Variants in NOL10 observed in about 807,000 individuals in gnomAD.
NOL10 encodes nucleolar protein 10, also known as H_NH0074G24.1.
In NOL10, 58 loss-of-function variants were observed where a neutral mutation model predicts 103.5. That is an observed-to-expected ratio of 0.56 (90% CI 0.45 to 0.70). The LOEUF is 0.70. Among genes scored for constraint, NOL10 ranks in the 30% least tolerant of loss-of-function variants. The probability of loss-of-function intolerance (pLI) is 0.00; values close to 1 mark genes in which losing one functional copy is unlikely to be tolerated. For synonymous variants in NOL10, 287 were observed against 282.5 expected, an observed-to-expected ratio of 1.02 and a Z score of -0.16; for missense variants, 763 against 807.3, an observed-to-expected ratio of 0.95 and a Z score of 0.67.
At position 10,659,293 on chromosome 2, in the gene NOL10, C is replaced by A. The variant is rs752717181; in HGVS notation, c.678-43G>T. ...CATGCTTCATGAATATACGGCCAAA[C>A]CTCCTTCCAAGTAACAAGTTCATTA... On this transcript the variant is annotated intron_variant, in intron 9 of 20. Coordinates refer to ENST00000381685, the MANE Select transcript of NOL10 (RefSeq NM_024894.4). The A allele has an allele frequency of 5.3e-6, 6 of 1,142,610 alleles. No individual in the cohort carries two copies. The South Asian group carries it at 6.5e-5, about 12-fold the overall frequency. 70.8% of individuals were successfully genotyped at this position (1,142,610 alleles called of 1,614,324 possible).
intron 8 of NOL10, among the ~76,000 whole-genome samples, chr2:10,664,011 A>AC (rs1275951072): frequency 6.6e-6 from 1 of 150,926 alleles, no homozygotes; most frequent in African/African-American, 2.4e-5. Flanking sequence ...AATCCCACAC[A>AC]CTAGGAGGCT....
At position 10,595,144 on chromosome 2, in the gene NOL10, C is replaced by CAGAGAGAGAGAGAGAG. The variant is rs77723934; in HGVS notation, c.1423-5409_1423-5394dup. Among the ~76,000 whole-genome samples, 153 of 124,228 alleles carry CAGAGAGAGAGAGAGAG rather than the reference C, an allele frequency of 1.2e-3. 1 individual carries two copies. Among genetic ancestry groups the CAGAGAGAGAGAGAGAG allele is most frequent in the African/African-American group, 2.2e-3 (72 of 32,148 alleles). 81.5% of individuals were successfully genotyped at this position (124,228 alleles called of 152,430 possible). A position where few individuals can be genotyped will look rare whatever the true frequency, so the allele number is the denominator to read the frequency against. On this transcript the variant is annotated intron_variant, in intron 17 of 20. Transcript: ENST00000381685. ...GCAAGAGGGAGGGAGGGGGAGGGGG[C>CAGAGAGAGAGAGAGAG]AGAGAGAGAGAGAGAGAGAGAGAGA... is the stretch of plus-strand genomic sequence containing the variant.
intron 3 of NOL10, among the ~76,000 whole-genome samples, chr2:10,676,939 CTTT>C (rs35181197): frequency 6.9e-6 from 1 of 144,578 alleles, no homozygotes; most frequent in Non-Finnish European, 1.5e-5. Context: ...AGGCCGGCCT[CTTT>C]TTTTTTTTTT....
chr2:10,657,975 T>C (rs1028580516), intron 10 of NOL10, 84 bp from the exon 11 acceptor site: 5 of 1,071,794 alleles, frequency 4.7e-6, no homozygotes, highest in Non-Finnish European at 6.6e-6. Context: ...ATGGCAGCCA[T>C]TTGCTTCATC....
chr2:10,670,468 C>G (rs1423390571), intron 6 of NOL10, among the ~76,000 whole-genome samples: 1 of 152,154 alleles, frequency 6.6e-6, no homozygotes, highest in Non-Finnish European at 1.5e-5. Flanking sequence ...GGCACCGTGG[C>G]TCATGTCTGT....
At chr2:10,597,798 G>A (rs1002050732) in intron 17 of NOL10, among the ~76,000 whole-genome samples, 1 of 152,180 alleles carries the variant, frequency 6.6e-6, no homozygotes, top group African/African-American at 2.4e-5. Context: ...GCTATGAAGA[G>A]CTGAAGAGAA....
At chr2:10,577,078 C>A (rs1376100522) in intron 20 of NOL10, among the ~76,000 whole-genome samples, 1 of 151,992 alleles carries the variant, frequency 6.6e-6, no homozygotes, top group Non-Finnish European at 1.5e-5. Context: ...GGTATTATTA[C>A]CACTGGCTAA....
rs2148369012 is a variant in NOL10 at position 10,684,583 on chromosome 2, T to C, written c.96A>G (p.Leu32=). The C allele has an allele frequency of 1.3e-6, 2 of 1,574,764 alleles. No homozygotes were observed. Among genetic ancestry groups the C allele is most frequent in the East Asian group, 2.3e-5 (1 of 43,626 alleles). ...AATACTCACCTACATCTTTCTTCTG[T>C]AGCGCTCTCTTCTTCCTATCAGAAA... ...EWLSDRKKRA[L]QKKDVDVRRR... The change falls in exon 2 of 21, where the codon CTA becomes CTG. Residue 32 remains leucine (L), a synonymous_variant. Transcript: ENST00000381685.
chr2:10,655,206 CAA>C (rs1431161450), intron 11 of NOL10, among the ~76,000 whole-genome samples: 1 of 85,524 alleles, frequency 1.2e-5, no homozygotes, highest in African/African-American at 4.4e-5. Flanking sequence ...AGATTCTGCC[CAA>C]AAAAAAAAAG....
At chr2:10,649,308 T>G (rs924374600) in intron 12 of NOL10, among the ~76,000 whole-genome samples, 3 of 136,162 alleles carry the variant, frequency 2.2e-5, no homozygotes, top group Non-Finnish European at 4.6e-5. Context: ...TCTGTATGTT[T>G]GAATTTTTTT....
chr2:10,628,280 A>G (rs943590473), intron 13 of NOL10, among the ~76,000 whole-genome samples: 10 of 152,314 alleles, frequency 6.6e-5, no homozygotes, highest in South Asian at 2.1e-4. Context: ...ACACACAGGT[A>G]CACTCTGCAC....
chr2:10,572,942 T>C (rs12992628), intron 20 of NOL10, among the ~76,000 whole-genome samples: 37,644 of 152,040 alleles, frequency 0.25, 6,491 homozygotes, highest in African/African-American at 0.45. Flanking sequence ...ATGGTTTAAC[T>C]ACTTTCAGCA....
In NOL10 at chr2:10,646,807, C is replaced by T. The variant is rs1679102121; in HGVS notation, c.974-2435G>A. ...ATAACATGGGACTCTGACACTTCAT[C>T]AACTAAGGTAAAATTAAAAGACCTC... On this transcript the variant is annotated intron_variant, in intron 12 of 20. Coordinates refer to ENST00000381685, the MANE Select transcript of NOL10 (RefSeq NM_024894.4). Among the ~76,000 whole-genome samples the T allele has an allele frequency of 2.0e-5, 3 of 152,162 alleles. No individual in the cohort carries two copies. In the South Asian group the frequency reaches 6.2e-4, roughly 32 times the overall value.
chr2:10,676,579 A>G (rs1306791357), intron 3 of NOL10, among the ~76,000 whole-genome samples: 1 of 152,124 alleles, frequency 6.6e-6, no homozygotes, highest in Non-Finnish European at 1.5e-5. Context: ...GTGCTGGAGA[A>G]TGATCCATAT....
chr2:10,587,172 T>TATATATAAAC (rs1675123048), intron 19 of NOL10, among the ~76,000 whole-genome samples: 1 of 22,622 alleles, frequency 4.4e-5, no homozygotes, highest in Non-Finnish European at 1.1e-4. Flanking sequence ...TATATACACA[T>TATATATAAAC]ATATATACAC....
At chr2:10,670,756 C>A (rs1680878655) in intron 6 of NOL10, among the ~76,000 whole-genome samples, 1 of 151,732 alleles carries the variant, frequency 6.6e-6, no homozygotes, top group Non-Finnish European at 1.5e-5. Flanking sequence ...ATGAAACAAA[C>A]AAACAAAAAA....
intron 13 of NOL10, among the ~76,000 whole-genome samples, chr2:10,637,117 G>A (rs533310852): frequency 9.1e-5 from 13 of 142,688 alleles, no homozygotes; most frequent in East Asian, 2.1e-4. Context: ...TAAGAGAATC[G>A]CTTGACCCAG....
intron 8 of NOL10, among the ~76,000 whole-genome samples, chr2:10,666,901 C>T (rs1680602700): frequency 6.6e-6 from 1 of 152,038 alleles, no homozygotes; most frequent in South Asian, 2.1e-4. Flanking sequence ...TAAAAGGGCA[C>T]TTTTTAAAAT....
chr2:10,663,085 G>T (rs1300959591), intron 8 of NOL10, 41 bp from the exon 9 acceptor site: 3 of 1,544,350 alleles, frequency 1.9e-6, no homozygotes, highest in African/African-American at 2.7e-5. Context: ...AGCTGTAGAA[G>T]GCGGGGCATG....
Sources: allele counts gnomAD v4.1 joint callset (sites outside exome capture counted in the v4.1 genomes callset), GRCh38; gene constraint gnomAD v4.1.1; transcripts MANE v1.5; gene names NCBI Gene and HGNC (gene_info 2026-07-23, HGNC 2026-07-21).